ZNF117: variants seen among roughly 807,000 people sequenced by gnomAD.
ZNF117 encodes the protein Krueppel-related zinc finger protein.
A neutral mutation model predicts 41.2 loss-of-function variants in ZNF117; 37 were observed. The observed-to-expected ratio is 0.90, with a 90% CI of 0.69 to 1.18. The LOEUF is 1.18. Among genes scored for constraint, ZNF117 ranks in the 50% most tolerant of loss-of-function variants. The pLI is 0.00. For missense variants in ZNF117, 546 were observed against 557.5 expected (o/e 0.98, Z 0.21); for synonymous variants, 186 against 186.6 (o/e 1.00, Z 0.02).
chr7:64,990,327 T>C (rs879655814), exon 1 of ZNF117: 2 of 157,284 alleles, frequency 1.3e-5, no homozygotes, highest in South Asian at 1.9e-4. Flanking sequence ...GCTTATATGT[T>C]GTGGGAATCA....
chr7:64,974,258 A>G (rs1355144745), downstream of ZNF117: 1 of 151,858 alleles, frequency 6.6e-6, no homozygotes, highest in Admixed American at 6.6e-5. Flanking sequence ...CTTATAATCC[A>G]TGAACAGCTC....
chr7:64,981,999 C>A lies in ZNF117; in HGVS notation c.-78G>T, dbSNP rs891305870. 5 of 680,630 alleles carry A rather than the reference C, an allele frequency of 7.3e-6. No homozygotes were observed. The East Asian group carries it at 1.4e-4, about 19-fold the overall frequency. The allele number at this position is 680,630 out of a possible 1,614,324, so 42.2% of individuals were successfully genotyped here. On this transcript the variant is annotated 5_prime_UTR_variant, in exon 1 of 3. Transcript: ENST00000620222. ...TTGAAGTTACCTTCACCCAAGAAAA[C>A]CAGGTTTCTGTAGTTCTCTCACATC...
At chr7:64,977,476 A>G (rs1276237001) in exon 3 of ZNF117, 3 of 487,426 alleles carry the variant, frequency 6.2e-6, no homozygotes, top group Admixed American at 2.5e-5. Flanking sequence ...CATTCCTCAC[A>G]TTTGTAAGGT....
upstream of ZNF117, among the ~76,000 whole-genome samples, chr7:64,986,574 A>G (rs149133015): frequency 1.6e-3 from 247 of 152,334 alleles, no homozygotes; most frequent in African/African-American, 5.6e-3. Context: ...TTTCCATGGT[A>G]TAATTTTAAC....
chr7:64,973,584 T>C (rs917911079), downstream of ZNF117: 4 of 151,918 alleles, frequency 2.6e-5, no homozygotes, highest in Admixed American at 2.6e-4. Context: ...ATAAGTACTC[T>C]CCAATAAAAA....
chr7:64,972,867 A>G (rs1785804376), downstream of ZNF117: 1 of 152,068 alleles, frequency 6.6e-6, no homozygotes, highest in Non-Finnish European at 1.5e-5. Flanking sequence ...GACAACATAT[A>G]CTTCCAAACA....
chr7:64,978,409 G>T lies in ZNF117; in HGVS notation c.1162C>A (p.Pro388Thr), dbSNP rs1785942625. ...TTGCCAGATTCTCTACATTTGTGGG[G>T]ATTCTCTCCAGTATGGATTATCTTA... is the stretch of plus-strand genomic sequence containing the variant. Residue 388 changes from proline to threonine, a missense_variant, in exon 3 of 3, where the codon CCC becomes ACC. By Grantham distance (38) the Pro-to-Thr change is conservative. Transcript: ENST00000620222. The T allele has an allele frequency of 6.2e-7, 1 of 1,613,430 alleles. No homozygotes were observed. Among genetic ancestry groups the T allele is most frequent in the Non-Finnish European group, 8.5e-7 (1 of 1,179,756 alleles).
exon 3 of ZNF117, chr7:64,978,043 A>G: frequency 1.4e-6 from 2 of 1,470,588 alleles, no homozygotes; most frequent in Non-Finnish European, 1.9e-6. Flanking sequence ...AAATGGTTAG[A>G]AGTTTTGCCA....
intron 2 of ZNF117, 172 bp downstream of exon 3, chr7:64,981,215 T>C (rs1473020884): frequency 7.4e-6 from 6 of 810,070 alleles, no homozygotes; most frequent in Admixed American, 3.0e-5. Flanking sequence ...CCTTAGAGAA[T>C]TGAAAAACAA....
rs372241273 is a variant in ZNF117, at chr7:64,978,374, G to C, written c.1197C>G (p.His399Gln). Residue 399 changes from histidine (H) to glutamine (Q), a missense_variant, in exon 3 of 3, where the codon CAC becomes CAG. Transcript: ENST00000620222. Reference sequence around the variant, plus strand: ...TACATGTACTAAGTTTTGAGGATAGGTGGAAAACTTTGCCAGATTCTCTAC... The same window carrying C: ...TACATGTACTAAGTTTTGAGGATAGCTGGAAAACTTTGCCAGATTCTCTAC... The C allele has an allele frequency of 4.5e-5, 72 of 1,613,360 alleles. No individual in the cohort carries two copies. In the African/African-American group the frequency reaches 9.2e-4, roughly 21 times the overall value.
chr7:64,983,458 A>G (rs1786073628), upstream of ZNF117, among the ~76,000 whole-genome samples: 1 of 152,254 alleles, frequency 6.6e-6, no homozygotes, highest in Admixed American at 6.5e-5. Context: ...TTTAAAAAGT[A>G]GTTGAAACAA....
chr7:64,988,412 C>T (rs561569748), intron 1 of ZNF117, among the ~76,000 whole-genome samples: 4 of 152,158 alleles, frequency 2.6e-5, no homozygotes, highest in South Asian at 4.1e-4. Flanking sequence ...ACATCTTTCA[C>T]GTTAAAAACC....
chr7:64,976,181 C>G (rs779570204), exon 3 of ZNF117: 1 of 152,236 alleles, frequency 6.6e-6, no homozygotes, highest in African/African-American at 2.4e-5. Context: ...GTGACTCACA[C>G]CTATAATCCC....
chr7:64,982,913 T>C (rs1027093586), upstream of ZNF117, among the ~76,000 whole-genome samples: 2 of 152,250 alleles, frequency 1.3e-5, no homozygotes, highest in Admixed American at 1.3e-4. Flanking sequence ...TGTAATGTGC[T>C]GATGCACACA....
chr7:64,977,985 T>C (rs1371345046), exon 3 of ZNF117: 3 of 1,277,932 alleles, frequency 2.3e-6, no homozygotes, highest in Non-Finnish European at 3.3e-6. Context: ...ATCACATTTG[T>C]GTAACTTCTC....
intron 1 of ZNF117, among the ~76,000 whole-genome samples, chr7:64,989,146 TACAC>T (rs148723682): frequency 6.7e-6 from 1 of 148,630 alleles, no homozygotes; most frequent in East Asian, 2.0e-4. Flanking sequence ...AGGCAATGTA[TACAC>T]ACACACACAC....
chr7:64,987,085 T>A (rs55959098), upstream of ZNF117, among the ~76,000 whole-genome samples: 1 of 151,778 alleles, frequency 6.6e-6, no homozygotes, highest in African/African-American at 2.4e-5. Flanking sequence ...ATCCCCAAAT[T>A]ATACCAACCA....
intron 1 of ZNF117, among the ~76,000 whole-genome samples, chr7:64,989,483 A>T (rs1206948015): frequency 2.2e-5 from 2 of 90,692 alleles, no homozygotes; most frequent in Admixed American, 2.2e-4. Flanking sequence ...ATATATATAT[A>T]TATATATATA....
At chr7:64,986,447 A>G (rs1786137710), upstream of ZNF117, among the ~76,000 whole-genome samples, 2 of 152,236 alleles carry the variant, frequency 1.3e-5, no homozygotes, top group African/African-American at 4.8e-5. Context: ...GGCACAGACA[A>G]AAAATGCAGG....
Sources: gnomAD v4.1 joint callset for allele counts (sites outside exome capture counted in the v4.1 genomes callset) on GRCh38, gnomAD v4.1.1 for gene constraint, MANE v1.5 for transcripts, NCBI Gene and HGNC (gene_info 2026-07-23, HGNC 2026-07-21) for gene names.